The following ABCB11 variants were observed in gnomAD, a reference collection of about 807,000 sequenced individuals.
ABCB11 encodes the protein ATP binding cassette subfamily B member 11.
ABCB11 carries 95 observed loss-of-function variants against 148.0 expected under a neutral mutation model. The ratio of observed to expected loss-of-function variants is 0.64; its 90% CI spans 0.54 to 0.76. The LOEUF is 0.76. Ranked by LOEUF, ABCB11 falls within the 30% of genes least tolerant of loss-of-function variation. The probability of loss-of-function intolerance (pLI) is 0.00; values close to 1 mark genes in which losing one functional copy is unlikely to be tolerated. For synonymous variants in ABCB11, 591 were observed against 555.4 expected, an observed-to-expected ratio of 1.06 and a Z score of -0.90; for missense variants, 1,523 against 1,617.8, an observed-to-expected ratio of 0.94 and a Z score of 1.01.
At chr2:168,954,015 T>C (rs2105927815) in intron 19 of ABCB11, among the ~76,000 whole-genome samples, 1 of 151,808 alleles carries the variant, frequency 6.6e-6, no homozygotes, top group African/African-American at 2.4e-5. Context: ...GTGCTCTGAC[T>C]GCCTTGGGCA....
rs1437530872 is a variant in ABCB11 at position 168,921,338 on chromosome 2, G to T, written c.*2284C>A. On this transcript the variant is annotated 3_prime_UTR_variant, in exon 28 of 28. Coordinates refer to ENST00000650372, the MANE Select transcript of ABCB11 (RefSeq NM_003742.4). ...TGGCTTAATTTATAGGCAGAATTTC[G>T]TTTGTTGGCTAAGGGAAGAAAAACC... 6.6e-6 allele frequency among the ~76,000 whole-genome samples: 1 copy of T among 152,096 alleles called. No individual in the cohort carries two copies. Among genetic ancestry groups the T allele is most frequent in the Non-Finnish European group, 1.5e-5 (1 of 68,024 alleles).
At chr2:168,993,029 C>T (rs892677931) in intron 8 of ABCB11, among the ~76,000 whole-genome samples, 10 of 151,766 alleles carry the variant, frequency 6.6e-5, no homozygotes, top group Non-Finnish European at 1.0e-4. Flanking sequence ...TGATGTGACC[C>T]GAAATTCCTA....
intron 14 of ABCB11, among the ~76,000 whole-genome samples, 173 bp downstream of exon 14, chr2:168,971,674 T>C (rs1483242843): frequency 6.6e-6 from 1 of 152,032 alleles, no homozygotes; most frequent in African/African-American, 2.4e-5. Context: ...ACATAAACAA[T>C]GTGTTTTCAG....
rs1694492540 is a variant in ABCB11 at position 168,990,866 on chromosome 2, A to G, written c.843T>C (p.Ala281=). 1 of 1,613,152 alleles carries G rather than the reference A, an allele frequency of 6.2e-7. No individual in the cohort carries two copies. Among genetic ancestry groups the G allele is most frequent in the South Asian group, 1.1e-5 (1 of 91,058 alleles). ...LKAYAKAGVV[A]DEVISSMRTV... The stretch of plus-strand genomic sequence containing the variant: ...TTCTCATTGATGAAATGACTTCATC[A>G]GCCACCACCCCTGCTTTGGCATAGG... The change falls in exon 9 of 28, where the codon GCT becomes GCC. Residue 281 remains alanine (A), a synonymous_variant. Coordinates refer to ENST00000650372, the MANE Select transcript of ABCB11 (RefSeq NM_003742.4).
chr2:168,979,090 T>A (rs182089602), intron 11 of ABCB11, among the ~76,000 whole-genome samples: 1 of 152,270 alleles, frequency 6.6e-6, no homozygotes, highest in Non-Finnish European at 1.5e-5. Context: ...AAATCCCTTT[T>A]TGCCATATTT....
At chr2:169,024,154 T>C (rs944040055) in intron 1 of ABCB11, among the ~76,000 whole-genome samples, 6 of 152,028 alleles carry the variant, frequency 3.9e-5, no homozygotes, top group Admixed American at 6.6e-5. Context: ...CGTTTACCTA[T>C]GTAACAAACC....
intron 21 of ABCB11, among the ~76,000 whole-genome samples, chr2:168,941,249 C>T (rs915053361): frequency 6.6e-6 from 1 of 151,860 alleles, no homozygotes; most frequent in Non-Finnish European, 1.5e-5. Flanking sequence ...ATTCTAGATG[C>T]CATTAAGAAC....
chr2:168,988,733 C>T (rs951067637), intron 9 of ABCB11, among the ~76,000 whole-genome samples: 48 of 152,018 alleles, frequency 3.2e-4, no homozygotes, highest in African/African-American at 1.1e-3. Context: ...AAAAGCGATC[C>T]GTGTAACAGT....
At chr2:168,987,395 AG>A (rs1694363312) in intron 9 of ABCB11, among the ~76,000 whole-genome samples, 1 of 152,128 alleles carries the variant, frequency 6.6e-6, no homozygotes. Context: ...TTTCACTGGG[AG>A]TTAATCTCTA....
chr2:168,953,479 T>A (rs1028705108), intron 19 of ABCB11, among the ~76,000 whole-genome samples: 1 of 151,480 alleles, frequency 6.6e-6, no homozygotes, highest in African/African-American at 2.4e-5. Flanking sequence ...ATTTTTGATT[T>A]AAAGTGTTTT....
chr2:168,996,779 T>C, intron 5 of ABCB11, 57 bp from the exon 6 acceptor site: 2 of 1,018,520 alleles, frequency 2.0e-6, no homozygotes, highest in South Asian at 2.0e-5. Flanking sequence ...CCACCAGAGA[T>C]TACATTTGTG....
chr2:169,015,447 A>G (rs1695324470), intron 3 of ABCB11, among the ~76,000 whole-genome samples: 1 of 151,754 alleles, frequency 6.6e-6, no homozygotes, highest in Non-Finnish European at 1.5e-5. Context: ...ACCTCCTCCA[A>G]CTATATTCTA....
intron 1 of ABCB11, among the ~76,000 whole-genome samples, chr2:169,024,123 G>A (rs912781699): frequency 6.6e-6 from 1 of 152,102 alleles, no homozygotes; most frequent in African/African-American, 2.4e-5. Flanking sequence ...ATTGATAGGT[G>A]CAGCAAACCA....
At chr2:168,917,353 T>A (rs907232746), downstream of ABCB11, among the ~76,000 whole-genome samples, 1 of 152,184 alleles carries the variant, frequency 6.6e-6, no homozygotes, top group Non-Finnish European at 1.5e-5. Flanking sequence ...CTGCTTCAAC[T>A]TTTCCTAAGA....
chr2:169,020,871 G>C (rs992065472), intron 1 of ABCB11, among the ~76,000 whole-genome samples: 7 of 151,932 alleles, frequency 4.6e-5, no homozygotes, highest in African/African-American at 1.7e-4. Flanking sequence ...CTTTACATAG[G>C]TGAACTCTGT....
chr2:168,930,752 T>C lies in ABCB11; in HGVS notation c.3324A>G (p.Thr1108=), dbSNP rs1350405718. Residue 1108 remains threonine, a synonymous_variant, in exon 25 of 28, where the codon ACA becomes ACG. Coordinates refer to ENST00000650372, the MANE Select transcript of ABCB11 (RefSeq NM_003742.4). ...GLSVSISPGQ[T]LAFVGSSGCG... ...ATCCACTGCTCCCAACAAACGCCAG[T>C]GTCTGCCCTGGACTAATCGACACTG... 6.2e-7 allele frequency: 1 copy of C among 1,611,368 alleles called. No homozygotes were observed. Among genetic ancestry groups the C allele is most frequent in the South Asian group, 1.1e-5 (1 of 90,556 alleles).
At chr2:168,994,023 C>G in intron 7 of ABCB11, 141 bp from the exon 8 acceptor site, 1 of 702,872 alleles carries the variant, frequency 1.4e-6, no homozygotes, top group Non-Finnish European at 2.3e-6. Context: ...CCTCTCAGAT[C>G]TTGGAAAATT....
chr2:169,005,824 A>G (rs571542015), intron 5 of ABCB11, among the ~76,000 whole-genome samples: 1 of 152,350 alleles, frequency 6.6e-6, no homozygotes, highest in South Asian at 2.1e-4. Context: ...AAATATATAT[A>G]ATTTTTATGT....
Position 168,922,841 on chromosome 2 carries a change from T to C in ABCB11, c.*781A>G, listed in dbSNP as rs1691131148. 6.6e-6 allele frequency: 1 copy of C among 152,126 alleles called. No individual in the cohort carries two copies. Among genetic ancestry groups the C allele is most frequent in the Non-Finnish European group, 1.5e-5 (1 of 68,006 alleles). 9.4% of individuals were successfully genotyped at this position (152,126 alleles called of 1,614,324 possible). A position where few individuals can be genotyped will look rare whatever the true frequency, so the allele number is the denominator to read the frequency against. ...TTCATGAATATAATTTCACAGAAACTAAAAACAACAATCAGTATGCAGGGA... is the reference window on the plus strand; with the variant it reads ...TTCATGAATATAATTTCACAGAAACCAAAAACAACAATCAGTATGCAGGGA... On this transcript the variant is annotated 3_prime_UTR_variant, in exon 28 of 28. Coordinates refer to ENST00000650372, the MANE Select transcript of ABCB11 (RefSeq NM_003742.4).
Sources: gnomAD v4.1 joint callset for allele counts (sites outside exome capture counted in the v4.1 genomes callset) on GRCh38, gnomAD v4.1.1 for gene constraint, MANE v1.5 for transcripts, NCBI Gene and HGNC (gene_info 2026-07-23, HGNC 2026-07-21) for gene names.